SMIM35: variants seen among roughly 807,000 people sequenced by gnomAD.
SMIM35 encodes the protein small integral membrane protein 35.
intron 1 of SMIM35, among the ~76,000 whole-genome samples, chr11:118,059,899 C>T (rs1329443719): frequency 1.3e-5 from 2 of 152,240 alleles, no homozygotes; most frequent in Non-Finnish European, 2.9e-5. Flanking sequence ...GCCTCCCACT[C>T]CCTCCGTGAC....
At chr11:118,085,349 G>A (rs1021889911) in intron 1 of SMIM35, among the ~76,000 whole-genome samples, 12 of 151,604 alleles carry the variant, frequency 7.9e-5, no homozygotes, top group African/African-American at 1.7e-4. Context: ...TCAGCCTCCC[G>A]AGTAGCTGGG....
chr11:118,085,449 T>C (rs912750248), intron 1 of SMIM35, among the ~76,000 whole-genome samples: 9 of 152,132 alleles, frequency 5.9e-5, no homozygotes, highest in African/African-American at 2.2e-4. Context: ...GGTCTCAAAC[T>C]CCTGGCTGGA....
chr11:118,022,175 C>T (rs372322051), intron 1 of SMIM35, among the ~76,000 whole-genome samples: 141 of 152,046 alleles, frequency 9.3e-4, no homozygotes, highest in African/African-American at 2.9e-3. Flanking sequence ...CTCAGCCTCC[C>T]GAGTAGCTGG....
chr11:118,060,186 C>T (rs549291767), intron 1 of SMIM35, among the ~76,000 whole-genome samples: 3 of 152,314 alleles, frequency 2.0e-5, no homozygotes, highest in South Asian at 2.1e-4. Context: ...TCCTCCAGGT[C>T]CCCCACCCAT....
rs78448682 is a variant in SMIM35 at position 118,004,178 on chromosome 11, C to T, written c.*2232G>A. 7.9e-4 allele frequency: 121 copies of T among 152,354 alleles called. No individual in the cohort carries two copies. The highest frequency in any genetic ancestry group is 2.9e-3 in the African/African-American group (120 of 41,578). 9.4% of individuals were successfully genotyped at this position (152,354 alleles called of 1,614,324 possible). A position where few individuals can be genotyped will look rare whatever the true frequency, so the allele number is the denominator to read the frequency against. ...CCCCATCCTCATGACCTCATCTAAA[C>T]CAATTACCTCCCAGAGGCTTTACCT... On this transcript the variant is annotated 3_prime_UTR_variant, in exon 5 of 5. Transcript: ENST00000689828.
rs1395047303 is a variant in SMIM35 at position 118,004,050 on chromosome 11, G to T, written c.*2360C>A. ...GTTCCCTGGGAGGGCTCTCTTCCTG[G>T]CTTGGAGACGGCCTCCTTCTTGCTG... On this transcript the variant is annotated 3_prime_UTR_variant, in exon 5 of 5. Transcript: ENST00000689828. 1.3e-5 allele frequency: 2 copies of T among 152,242 alleles called. No homozygotes were observed. Among genetic ancestry groups the T allele is most frequent in the Non-Finnish European group, 2.9e-5 (2 of 68,068 alleles). 9.4% of individuals were successfully genotyped at this position (152,242 alleles called of 1,614,324 possible). A position where few individuals can be genotyped will look rare whatever the true frequency, so the allele number is the denominator to read the frequency against.
At chr11:118,042,068 A>AAG (rs55720011) in intron 1 of SMIM35, among the ~76,000 whole-genome samples, 57 of 117,892 alleles carry the variant, frequency 4.8e-4, no homozygotes, top group African/African-American at 1.2e-3. Flanking sequence ...AAAAAAAAAA[A>AAG]AGAGAGAGAG....
At chr11:118,067,649 G>A (rs1944498581) in intron 1 of SMIM35, 1 of 151,570 alleles carries the variant, frequency 6.6e-6, no homozygotes, top group South Asian at 2.1e-4. Context: ...GCCTGGCCAA[G>A]ATGGTGAAAC....
At chr11:118,017,633 C>T (rs1198153504) in intron 1 of SMIM35, among the ~76,000 whole-genome samples, 1 of 152,102 alleles carries the variant, frequency 6.6e-6, no homozygotes, top group Admixed American at 6.5e-5. Flanking sequence ...ACAAATGTGA[C>T]AATTGAGAAG....
At chr11:118,026,762 A>G (rs1046118934) in intron 1 of SMIM35, among the ~76,000 whole-genome samples, 2 of 152,096 alleles carry the variant, frequency 1.3e-5, no homozygotes, top group Non-Finnish European at 2.9e-5. Context: ...GAGCCCAGGA[A>G]TTTGAGACCA....
At chr11:118,082,574 G>GAAAA (rs386375031) in intron 1 of SMIM35, among the ~76,000 whole-genome samples, 1 of 151,416 alleles carries the variant, frequency 6.6e-6, no homozygotes, top group East Asian at 1.9e-4. Context: ...AAAAAAGAAA[G>GAAAA]AAAGAAAGAA....
chr11:118,037,565 C>T (rs1296977216), intron 1 of SMIM35, among the ~76,000 whole-genome samples: 1 of 152,182 alleles, frequency 6.6e-6, no homozygotes, highest in Non-Finnish European at 1.5e-5. Flanking sequence ...ATAATAACAG[C>T]ATCTTTCCCC....
chr11:118,060,759 C>G (rs1160845929), intron 1 of SMIM35, among the ~76,000 whole-genome samples: 1 of 152,196 alleles, frequency 6.6e-6, no homozygotes, highest in African/African-American at 2.4e-5. Context: ...TCCAGGTTCC[C>G]TGGAATGCTG....
rs146478658 is a variant in SMIM35, at chr11:118,021,059, A to G, written c.8-5250T>C. 6.9e-4 allele frequency among the ~76,000 whole-genome samples: 84 copies of G among 121,432 alleles called. No individual in the cohort carries two copies. In the East Asian group the frequency reaches 0.035, roughly 51 times the overall value. 79.7% of individuals were successfully genotyped at this position (121,432 alleles called of 152,430 possible). A position where few individuals can be genotyped will look rare whatever the true frequency, so the allele number is the denominator to read the frequency against. On this transcript the variant is annotated intron_variant, in intron 1 of 4. Transcript: ENST00000689828. ...TTCACAGGGTAAGGTTTTTTTTTTTACTATTTATTAAGATGGACATGAGTT... is the reference window on the plus strand; with the variant it reads ...TTCACAGGGTAAGGTTTTTTTTTTTGCTATTTATTAAGATGGACATGAGTT...
At chr11:118,060,678 C>A (rs1944380851) in intron 1 of SMIM35, among the ~76,000 whole-genome samples, 1 of 152,070 alleles carries the variant, frequency 6.6e-6, no homozygotes, top group South Asian at 2.1e-4. Flanking sequence ...GTCTGGGACC[C>A]CCTTCTACAG....
At chr11:118,075,862 A>C (rs1276872951) in intron 1 of SMIM35, among the ~76,000 whole-genome samples, 1 of 152,232 alleles carries the variant, frequency 6.6e-6, no homozygotes, top group African/African-American at 2.4e-5. Context: ...CAATGTGGAC[A>C]ATTATCCAAG....
intron 1 of SMIM35, among the ~76,000 whole-genome samples, chr11:118,070,584 C>G (rs1436774579): frequency 6.6e-6 from 1 of 152,218 alleles, no homozygotes; most frequent in Non-Finnish European, 1.5e-5. Flanking sequence ...CACTGTCCTT[C>G]CTGTGTCTTC....
intron 1 of SMIM35, among the ~76,000 whole-genome samples, chr11:118,071,815 G>A (rs1166210175): frequency 6.6e-6 from 1 of 152,106 alleles, no homozygotes; most frequent in African/African-American, 2.4e-5. Flanking sequence ...CAAACTTTAA[G>A]GTGAATTCAA....
intron 1 of SMIM35, among the ~76,000 whole-genome samples, chr11:118,019,085 C>A (rs2058205814): frequency 6.6e-6 from 1 of 152,046 alleles, no homozygotes; most frequent in South Asian, 2.1e-4. Context: ...CTTTTTTATA[C>A]CATTACTTCA....
Sources: gnomAD v4.1 joint callset for allele counts (sites outside exome capture counted in the v4.1 genomes callset) on GRCh38, gnomAD v4.1.1 for gene constraint, MANE v1.5 for transcripts, NCBI Gene and HGNC (gene_info 2026-07-23, HGNC 2026-07-21) for gene names.